TAF1D: variants seen among roughly 807,000 people sequenced by gnomAD.
TAF1D encodes TATA-box binding protein associated factor, RNA polymerase I subunit D, also known as TATA box-binding protein-associated factor RNA polymerase I subunit D.
Under a neutral mutation model 26.2 loss-of-function variants are expected in TAF1D, and 23 were observed. The ratio of observed to expected loss-of-function variants is 0.88; its 90% confidence interval spans 0.63 to 1.25. The LOEUF is 1.25. Among genes scored for constraint, TAF1D ranks in the 50% most tolerant of loss-of-function variants. The pLI is 0.00. For missense variants in TAF1D, 299 were observed against 322.0 expected (o/e 0.93, Z 0.55); for synonymous variants, 100 against 105.6 (o/e 0.95, Z 0.33).
chr11:93,735,252 A>G (rs374381331), downstream of TAF1D: 1 of 1,340,598 alleles, frequency 7.5e-7, no homozygotes, highest in African/African-American at 1.5e-5. Context: ...AAAATGCACT[A>G]CATAGCAGAG....
Position 93,738,895 on chromosome 11 carries a change from T to C in TAF1D, c.68+342A>G, listed in dbSNP as rs141280757. The C allele has an allele frequency of 1.5e-3, 493 of 326,028 alleles. 6 individuals are homozygous for C. The highest frequency in any genetic ancestry group is 2.7e-4 in the Non-Finnish European group (49 of 178,482). The allele number at this position is 326,028 out of a possible 1,614,324, so 20.2% of individuals were successfully genotyped here. On this transcript the variant is annotated intron_variant, in intron 2 of 5. Coordinates refer to ENST00000448108, the MANE Select transcript of TAF1D (RefSeq NM_024116.4). The stretch of plus-strand genomic sequence containing the variant: ...AAAAAAACTGTATCTTTCAAGACAA[T>C]GTATGAGCTCCAAAAGGCTGTATGG...
intron 1 of TAF1D, among the ~76,000 whole-genome samples, chr11:93,740,130 G>A (rs1392556100): frequency 2.0e-5 from 3 of 151,860 alleles, no homozygotes; most frequent in Non-Finnish European, 4.4e-5. Context: ...GCAACGTGGT[G>A]AAACTCCGTC....
At chr11:93,739,532 T>C (rs561217339) in intron 1 of TAF1D, among the ~76,000 whole-genome samples, 2 of 152,330 alleles carry the variant, frequency 1.3e-5, no homozygotes, top group African/African-American at 4.8e-5. Context: ...GTTGTTACCC[T>C]CTAAATGTAT....
chr11:93,732,998 C>T (rs745972945), downstream of TAF1D: 25 of 319,356 alleles, frequency 7.8e-5, no homozygotes, highest in Non-Finnish European at 1.1e-4. Flanking sequence ...CTTACTAATT[C>T]TGTGTTATAC....
downstream of TAF1D, chr11:93,730,900 T>G (rs1938532561): frequency 4.3e-6 from 2 of 465,826 alleles, no homozygotes; most frequent in African/African-American, 4.0e-5. Context: ...CTAGGAGAAT[T>G]TTCAAATCTC....
At chr11:93,731,445 C>G (rs1211324282), downstream of TAF1D, 2 of 512,854 alleles carry the variant, frequency 3.9e-6, no homozygotes, top group Non-Finnish European at 7.8e-6. Context: ...TTTCTGGTAA[C>G]TTTTACCTTT....
In TAF1D at chr11:93,738,203, TTATC is replaced by T; in HGVS notation, c.361_364del (p.Asp121ArgfsTer15). ...TCCTCTGCTTCTAAATTGTTTCTTC[TTATC>T]TATTAGTGAGTATATAGGATTTCTC... On this transcript the variant is annotated frameshift_variant, in exon 3 of 6. Coordinates refer to ENST00000448108, the MANE Select transcript of TAF1D (RefSeq NM_024116.4). LOFTEE classifies it high-confidence loss of function. The T allele has an allele frequency of 6.2e-7, 1 of 1,601,596 alleles. No homozygotes were observed. The highest frequency in any genetic ancestry group is 1.2e-5 in the South Asian group (1 of 86,636).
chr11:93,735,223 C>G, downstream of TAF1D: 1 of 1,351,066 alleles, frequency 7.4e-7, no homozygotes, highest in Non-Finnish European at 9.8e-7. Flanking sequence ...TAAACAAAAA[C>G]ATACATAAGT....
chr11:93,732,668 C>T (rs1201280034), downstream of TAF1D: 3 of 292,380 alleles, frequency 1.0e-5, no homozygotes, highest in Non-Finnish European at 6.9e-6. Flanking sequence ...CAACTCTAGT[C>T]TTTGCCTAAT....
rs142306126 is a variant in TAF1D, at chr11:93,739,256, C to T, written c.49G>A (p.Val17Met). 1.2e-6 allele frequency: 2 copies of T among 1,612,844 alleles called. No individual in the cohort carries two copies. The highest frequency in any genetic ancestry group is 2.7e-5 in the African/African-American group (2 of 74,898). The change falls in exon 2 of 6, where the codon GTG becomes ATG. Residue 17 changes from valine to methionine, a missense_variant. Physicochemically the swap from Val to Met is conservative, Grantham distance 21. Coordinates refer to ENST00000448108, the MANE Select transcript of TAF1D (RefSeq NM_024116.4). ...DSLDHVTSDA[V>M]ELANRSDNSS... ...ACTCACCTTCGATTTGCAAGTTCCA[C>T]AGCATCAGATGTCACATGGTCAAGA...
intron 4 of TAF1D, 66 bp from the exon 5 acceptor site, chr11:93,736,817 A>G (rs1356786325): frequency 3.3e-6 from 5 of 1,496,910 alleles, no homozygotes; most frequent in Non-Finnish European, 3.6e-6. Context: ...TGTATATTCC[A>G]CTCTGAAATA....
chr11:93,740,996 G>A (rs2135548552), intron 1 of TAF1D, among the ~76,000 whole-genome samples: 1 of 152,342 alleles, frequency 6.6e-6, no homozygotes, highest in South Asian at 2.1e-4. Flanking sequence ...CGCCTAACCT[G>A]CAGAAAACCG....
chr11:93,735,404 C>T, downstream of TAF1D: 1 of 906,038 alleles, frequency 1.1e-6, no homozygotes, highest in Non-Finnish European at 1.4e-6. Context: ...AGTATTAGGC[C>T]AGGTGCCATG....
downstream of TAF1D, chr11:93,734,566 C>A: frequency 4.2e-6 from 2 of 476,412 alleles, no homozygotes; most frequent in Non-Finnish European, 8.1e-6. Flanking sequence ...CTTGCTCTGA[C>A]AACATACTGT....
At chr11:93,740,818 C>G (rs1333080859) in intron 1 of TAF1D, among the ~76,000 whole-genome samples, 1 of 152,110 alleles carries the variant, frequency 6.6e-6, no homozygotes, top group Non-Finnish European at 1.5e-5. Context: ...TAGGGATTAT[C>G]AAAATAAAGC....
chr11:93,734,533 A>G (rs1940247549), downstream of TAF1D: 1 of 440,414 alleles, frequency 2.3e-6, no homozygotes, highest in Non-Finnish European at 4.5e-6. Flanking sequence ...AGCATGGTAG[A>G]AATGTCCCTG....
In TAF1D at chr11:93,736,707, TCA is replaced by T. The variant is rs1565242426; in HGVS notation, c.678_679del (p.Cys226Ter). On this transcript the variant is annotated stop_gained and frameshift_variant, in exon 5 of 6. Transcript: ENST00000448108. LOFTEE classifies it low-confidence loss of function (END_TRUNC). ...TAAGTCACTTACTGCCAATTTGATA[TCA>T]CATTCGTTATCTTCAAGATGTGTTG... 1 of 1,611,858 alleles carries T rather than the reference TCA, an allele frequency of 6.2e-7. No homozygotes were observed. The highest frequency in any genetic ancestry group is 1.7e-5 in the Admixed American group (1 of 59,326).
Position 93,739,246 on chromosome 11 carries a change from G to GC in TAF1D, c.58dup (p.Ala20GlyfsTer5), listed in dbSNP as rs1565244854. On this transcript the variant is annotated frameshift_variant, in exon 2 of 6. Transcript: ENST00000448108. LOFTEE classifies it high-confidence loss of function. ...GATTGAATCCACTCACCTTCGATTT[G>GC]CAAGTTCCACAGCATCAGATGTCAC... The GC allele has an allele frequency of 6.2e-7, 1 of 1,611,800 alleles. No homozygotes were observed. The highest frequency in any genetic ancestry group is 8.5e-7 in the Non-Finnish European group (1 of 1,178,938).
At chr11:93,735,313 G>T, downstream of TAF1D, 1 of 1,223,296 alleles carries the variant, frequency 8.2e-7, no homozygotes, top group Non-Finnish European at 1.1e-6. Flanking sequence ...GGTAATGACT[G>T]GTTCTCCCCA....
Sources: allele counts gnomAD v4.1 joint callset (sites outside exome capture counted in the v4.1 genomes callset), GRCh38; gene constraint gnomAD v4.1.1; transcripts MANE v1.5; gene names NCBI Gene and HGNC (gene_info 2026-07-23, HGNC 2026-07-21).